Variants in GALNT17 observed in about 807,000 individuals in gnomAD.
GALNT17 encodes polypeptide N-acetylgalactosaminyltransferase 17.
In GALNT17, 29 loss-of-function variants were observed where a neutral mutation model predicts 63.7. That is an observed-to-expected ratio of 0.46 (90% CI 0.34 to 0.62). The LOEUF is 0.62. GALNT17 is among the 20% of genes least tolerant of loss of function. The pLI, the probability that GALNT17 is intolerant of heterozygous loss-of-function variation, is 0.01. For synonymous variants in GALNT17, 305 were observed against 318.3 expected, an observed-to-expected ratio of 0.96 and a Z score of 0.45; for missense variants, 603 against 799.6, an observed-to-expected ratio of 0.75 and a Z score of 2.97.
intron 1 of GALNT17, among the ~76,000 whole-genome samples, chr7:71,301,882 G>A (rs933917874): frequency 3.3e-5 from 5 of 152,200 alleles, no homozygotes; most frequent in African/African-American, 1.2e-4. Context: ...TTTATATGCA[G>A]GGGTGGAAGG....
At chr7:71,265,312 A>G (rs1165076189) in intron 1 of GALNT17, among the ~76,000 whole-genome samples, 1 of 150,728 alleles carries the variant, frequency 6.6e-6, no homozygotes, top group Non-Finnish European at 1.5e-5. Context: ...TTTTTAGTAG[A>G]GACAGGGTTT....
intron 6 of GALNT17, among the ~76,000 whole-genome samples, chr7:71,651,941 T>TC (rs936896154): frequency 6.6e-5 from 10 of 151,292 alleles, no homozygotes; most frequent in African/African-American, 1.5e-4. Flanking sequence ...CCTCAAGCAA[T>TC]CCCCCCCAGC....
At chr7:71,394,243 T>C (rs954252334) in intron 3 of GALNT17, among the ~76,000 whole-genome samples, 3 of 151,556 alleles carry the variant, frequency 2.0e-5, no homozygotes, top group Non-Finnish European at 2.9e-5. Context: ...GGGGAGGAGG[T>C]GCGAGGCTCT....
At chr7:71,403,705 T>A in intron 3 of GALNT17, among the ~76,000 whole-genome samples, 1 of 152,158 alleles carries the variant, frequency 6.6e-6, no homozygotes, top group Admixed American at 6.6e-5. Context: ...AAGGATGAAC[T>A]GGCCGGATGC....
At position 71,221,398 on chromosome 7, in the gene GALNT17, T is replaced by A. The variant is rs1345134363; in HGVS notation, c.238+88358T>A. Reference sequence around the variant, plus strand: ...TACAGCCATGCTTTTTTTTTTTTTTTTTTTTTTTCCAACCCTACAACTTGT... The same window carrying A: ...TACAGCCATGCTTTTTTTTTTTTTTATTTTTTTTCCAACCCTACAACTTGT... On this transcript the variant is annotated intron_variant, in intron 1 of 10. Coordinates refer to ENST00000333538, the MANE Select transcript of GALNT17 (RefSeq NM_022479.3). Among the ~76,000 whole-genome samples, 4 of 151,070 alleles carry A rather than the reference T, an allele frequency of 2.6e-5. No homozygotes were observed. In the East Asian group the frequency reaches 7.8e-4, roughly 29 times the overall value.
At chr7:71,662,893 G>A (rs1211482778) in intron 6 of GALNT17, among the ~76,000 whole-genome samples, 1 of 152,134 alleles carries the variant, frequency 6.6e-6, no homozygotes, top group Admixed American at 6.5e-5. Context: ...TTTTTTATAT[G>A]GTGTGAGGTA....
intron 2 of GALNT17, among the ~76,000 whole-genome samples, chr7:71,378,469 T>C (rs1435363738): frequency 2.0e-5 from 3 of 152,082 alleles, no homozygotes; most frequent in Non-Finnish European, 2.9e-5. Context: ...CTTTCAGAGT[T>C]TGAGCCCTGA....
At chr7:71,478,940 A>T (rs1787768698) in intron 5 of GALNT17, among the ~76,000 whole-genome samples, 1 of 152,200 alleles carries the variant, frequency 6.6e-6, no homozygotes, top group African/African-American at 2.4e-5. Context: ...AAACTAGCTC[A>T]ATTTGGTTCT....
intron 5 of GALNT17, among the ~76,000 whole-genome samples, chr7:71,423,711 TA>T (rs1786707468): frequency 6.6e-6 from 1 of 152,004 alleles, no homozygotes; most frequent in African/African-American, 2.4e-5. Context: ...TTCAGGAGTT[TA>T]AAACCAGCCT....
intron 3 of GALNT17, among the ~76,000 whole-genome samples, chr7:71,396,756 GTCTT>G (rs1447091713): frequency 6.8e-6 from 1 of 146,522 alleles, no homozygotes; most frequent in Non-Finnish European, 1.5e-5. Flanking sequence ...GAACATAGAT[GTCTT>G]TCTATTTATT....
intron 1 of GALNT17, chr7:71,284,318 TC>T: frequency 6.5e-6 from 1 of 153,616 alleles, no homozygotes; most frequent in Non-Finnish European, 1.4e-5. Context: ...TGCCTCAGCC[TC>T]CCAAGTAGCT....
chr7:71,253,345 A>G (rs955411454), intron 1 of GALNT17, among the ~76,000 whole-genome samples: 1 of 152,088 alleles, frequency 6.6e-6, no homozygotes, highest in Non-Finnish European at 1.5e-5. Flanking sequence ...TTATAAAACC[A>G]TCAGATCTCA....
At chr7:71,156,579 GTCCT>G (rs61515412) in intron 1 of GALNT17, among the ~76,000 whole-genome samples, 34,840 of 139,734 alleles carry the variant, frequency 0.25, 4,973 homozygotes, top group Middle Eastern at 0.36. Flanking sequence ...CACATGAGAT[GTCCT>G]TCCTTCCTTC....
intron 1 of GALNT17, among the ~76,000 whole-genome samples, chr7:71,277,974 G>C (rs1385820801): frequency 6.6e-6 from 1 of 152,152 alleles, no homozygotes; most frequent in African/African-American, 2.4e-5. Flanking sequence ...TGGAGCCTAA[G>C]ATAATTGAGC....
At chr7:71,383,438 C>CATT (rs1404675579) in intron 2 of GALNT17, among the ~76,000 whole-genome samples, 1 of 152,006 alleles carries the variant, frequency 6.6e-6, no homozygotes, top group East Asian at 1.9e-4. Flanking sequence ...GATTTTATAT[C>CATT]ATTATTATTA....
chr7:71,542,693 G>A (rs985236497), intron 5 of GALNT17, among the ~76,000 whole-genome samples: 1 of 30,874 alleles, frequency 3.2e-5, no homozygotes, highest in African/African-American at 1.6e-4. Flanking sequence ...GAGACTCCCT[G>A]TCAAAAAAAA....
intron 5 of GALNT17, among the ~76,000 whole-genome samples, chr7:71,484,209 C>T (rs1787870233): frequency 6.6e-6 from 1 of 152,168 alleles, no homozygotes; most frequent in Non-Finnish European, 1.5e-5. Context: ...TATACCGGGC[C>T]AGATGCGGTG....
intron 5 of GALNT17, among the ~76,000 whole-genome samples, chr7:71,548,540 G>T (rs1789024584): frequency 6.6e-6 from 1 of 152,148 alleles, no homozygotes; most frequent in South Asian, 2.1e-4. Flanking sequence ...TCTTGATAGT[G>T]AATAAGTCTC....
intron 2 of GALNT17, among the ~76,000 whole-genome samples, chr7:71,383,166 T>G (rs1792877464): frequency 6.6e-6 from 1 of 152,202 alleles, no homozygotes; most frequent in African/African-American, 2.4e-5. Flanking sequence ...TGGTAGTATA[T>G]TGCAGAATTT....
Sources: gnomAD v4.1 joint callset for allele counts (sites outside exome capture counted in the v4.1 genomes callset) on GRCh38, gnomAD v4.1.1 for gene constraint, MANE v1.5 for transcripts, NCBI Gene and HGNC (gene_info 2026-07-23, HGNC 2026-07-21) for gene names.